Variants in AGAP1 observed in about 807,000 individuals in gnomAD.
The protein encoded by AGAP1 is arf-GAP with GTPase, ANK repeat and PH domain-containing protein 1.
A neutral mutation model predicts 105.3 loss-of-function variants in AGAP1; 29 were observed. The observed-to-expected ratio is 0.28, with a 90% confidence interval of 0.21 to 0.38. AGAP1 has a LOEUF of 0.38. Ranked by LOEUF, AGAP1 falls within the 10% of genes least tolerant of loss-of-function variation. The pLI is 1.00. For missense variants in AGAP1, 998 were observed against 1,165.1 expected (o/e 0.86, Z 2.09); for synonymous variants, 509 against 485.9 (o/e 1.05, Z -0.63).
Position 235,725,300 on chromosome 2 carries a change from C to T in AGAP1, c.310+7656C>T, listed in dbSNP as rs985197140. Among the ~76,000 whole-genome samples the T allele has an allele frequency of 6.6e-5, 10 of 152,082 alleles. No homozygotes were observed. The highest frequency in any genetic ancestry group is 3.9e-4 in the East Asian group (2 of 5,182). On this transcript the variant is annotated intron_variant, in intron 3 of 17. Coordinates refer to ENST00000304032, the MANE Select transcript of AGAP1 (RefSeq NM_001037131.3). This position sits in a 1 kb window ranked among gnomAD's most constrained non-coding sequence, Gnocchi z 5.7. Reference sequence around the variant, plus strand: ...CACGTGTATCTTAAATATGTTTTAACGAATGTTTACTTAGTTTCTTAGAAA... The same window carrying T: ...CACGTGTATCTTAAATATGTTTTAATGAATGTTTACTTAGTTTCTTAGAAA...
At chr2:235,860,413 T>C (rs1190277242) in intron 9 of AGAP1, among the ~76,000 whole-genome samples, 1 of 152,222 alleles carries the variant, frequency 6.6e-6, no homozygotes, top group Non-Finnish European at 1.5e-5. Flanking sequence ...GGATTACCTT[T>C]TTCTAACTGC....
rs867347340 is a variant in AGAP1, at chr2:235,734,774, G to A, written c.311-6189G>A. On this transcript the variant is annotated intron_variant, in intron 3 of 17. Transcript: ENST00000304032. The surrounding 1 kb of genome is among the most constrained non-coding windows in gnomAD (Gnocchi z 5.3). ...AAACGCAGCAAACACGGAGGCTGCC[G>A]GCTTTGTTTCTGTAGGGCTTGTCTT... is the stretch of plus-strand genomic sequence containing the variant. Among the ~76,000 whole-genome samples the A allele has an allele frequency of 1.3e-5, 2 of 152,330 alleles. No homozygotes were observed. The highest frequency in any genetic ancestry group is 2.1e-4 in the South Asian group (1 of 4,824).
rs1480615539 is a variant in AGAP1, at chr2:235,777,486, G to T, written c.674-20273G>T. ...CCACCTGCCTCCTCGTTATCAGCAG[G>T]CAGCCTTGCGTCTGCCTCTGGGAGC... is the stretch of plus-strand genomic sequence containing the variant. On this transcript the variant is annotated intron_variant, in intron 6 of 17. Transcript: ENST00000304032. The surrounding 1 kb of genome is among the most constrained non-coding windows in gnomAD (Gnocchi z 5.1). Among the ~76,000 whole-genome samples, 1 of 152,218 alleles carries T rather than the reference G, an allele frequency of 6.6e-6. No homozygotes were observed. The highest frequency in any genetic ancestry group is 1.5e-5 in the Non-Finnish European group (1 of 68,034).
In AGAP1 at chr2:236,104,110, C is replaced by T. The variant is rs1413655250; in HGVS notation, c.2115-16082C>T. On this transcript the variant is annotated intron_variant, in intron 16 of 17. Coordinates refer to ENST00000304032, the MANE Select transcript of AGAP1 (RefSeq NM_001037131.3). The surrounding 1 kb of genome is among the most constrained non-coding windows in gnomAD (Gnocchi z 4.7). ...TTCCCACTTGCATTTAGGTGGGGGG[C>T]CTTGGGCAGTGGGTCTGCCCCAGGA... Among the ~76,000 whole-genome samples, 3 of 152,182 alleles carry T rather than the reference C, an allele frequency of 2.0e-5. No homozygotes were observed. Among genetic ancestry groups the T allele is most frequent in the Middle Eastern group, 6.8e-3 (2 of 292 alleles).
intron 1 of AGAP1, among the ~76,000 whole-genome samples, chr2:235,500,652 G>T (rs187346896): frequency 6.6e-6 from 1 of 152,182 alleles, no homozygotes; most frequent in Non-Finnish European, 1.5e-5. Flanking sequence ...TGTGGTGGAC[G>T]AGGGACTTAA....
At chr2:235,558,406 G>A (rs1046561716) in intron 1 of AGAP1, among the ~76,000 whole-genome samples, 9 of 152,108 alleles carry the variant, frequency 5.9e-5, no homozygotes, top group Non-Finnish European at 1.2e-4. Flanking sequence ...ATATGTGTAT[G>A]ATTGATTCCA....
At chr2:235,709,095 A>G (rs1950694532) in intron 1 of AGAP1, 84 bp from the exon 2 acceptor site, 2 of 1,327,814 alleles carry the variant, frequency 1.5e-6, no homozygotes, top group African/African-American at 2.9e-5. Context: ...TGACCTTCGG[A>G]TGTGAAAATG....
chr2:236,107,498 C>T (rs2059530059), intron 16 of AGAP1, among the ~76,000 whole-genome samples: 1 of 152,208 alleles, frequency 6.6e-6, no homozygotes, highest in Non-Finnish European at 1.5e-5. Context: ...GTTGCATATG[C>T]ACTGTGACTT....
At chr2:235,794,341 G>A (rs538211986) in intron 6 of AGAP1, among the ~76,000 whole-genome samples, 1 of 152,296 alleles carries the variant, frequency 6.6e-6, no homozygotes, top group East Asian at 1.9e-4. Context: ...AGTAGTAAGC[G>A]CAAATGTTTT....
At chr2:236,077,176 C>G (rs77306798) in intron 16 of AGAP1, among the ~76,000 whole-genome samples, 76 of 147,644 alleles carry the variant, frequency 5.1e-4, no homozygotes, top group Admixed American at 1.3e-3. Flanking sequence ...TTCCAACCCC[C>G]GAGAGATAAT....
rs908742276 is a variant in AGAP1, at chr2:236,119,425, C to T, written c.2115-767C>T. Among the ~76,000 whole-genome samples, 1 of 152,180 alleles carries T rather than the reference C, an allele frequency of 6.6e-6. No homozygotes were observed. The highest frequency in any genetic ancestry group is 1.5e-5 in the Non-Finnish European group (1 of 68,032). On this transcript the variant is annotated intron_variant, in intron 16 of 17. Transcript: ENST00000304032. The surrounding 1 kb of genome is among the most constrained non-coding windows in gnomAD (Gnocchi z 6.6). ...TGCTAAACCTCCTCATTGGAGTCTC[C>T]ACCCTCTCCTGCGTGAGTCTGTTGC...
At chr2:235,786,170 A>G (rs901003596) in intron 6 of AGAP1, among the ~76,000 whole-genome samples, 1 of 152,198 alleles carries the variant, frequency 6.6e-6, no homozygotes, top group Admixed American at 6.5e-5. Context: ...TGTATTGCCA[A>G]TTTACTGGGA....
chr2:235,496,036 G>A (rs903245429), intron 1 of AGAP1, among the ~76,000 whole-genome samples: 1 of 152,236 alleles, frequency 6.6e-6, no homozygotes, highest in Non-Finnish European at 1.5e-5. Context: ...TCAGCCCACA[G>A]AGAGGCTTTG....
chr2:235,653,584 T>A (rs1947680493), intron 1 of AGAP1, among the ~76,000 whole-genome samples: 1 of 152,202 alleles, frequency 6.6e-6, no homozygotes, highest in Non-Finnish European at 1.5e-5. Context: ...TCATCTCTTC[T>A]ACCTGAGTGG....
chr2:236,036,792 G>A lies in AGAP1; in HGVS notation c.1800+77G>A. The A allele has an allele frequency of 1.3e-6, 2 of 1,570,294 alleles. No homozygotes were observed. Among genetic ancestry groups the A allele is most frequent in the Non-Finnish European group, 1.7e-6 (2 of 1,163,262 alleles). ...CGGGCCCCAAGTAATGCCCCAGGGA[G>A]GAGAAAATAGAGGACCAGTGTGAAT... On this transcript the variant is annotated intron_variant, in intron 14 of 17. Transcript: ENST00000304032. This position sits in a 1 kb window ranked among gnomAD's most constrained non-coding sequence, Gnocchi z 5.7.
intron 11 of AGAP1, among the ~76,000 whole-genome samples, chr2:235,925,972 T>G (rs2052427369): frequency 1.3e-5 from 2 of 152,210 alleles, no homozygotes; most frequent in South Asian, 4.1e-4. Flanking sequence ...ACAGTTGCCC[T>G]CGAGTACTTT....
At chr2:235,831,184 T>C (rs1265898456) in intron 9 of AGAP1, among the ~76,000 whole-genome samples, 1 of 138,116 alleles carries the variant, frequency 7.2e-6, no homozygotes, top group South Asian at 2.3e-4. Flanking sequence ...TCTTCTTCTT[T>C]AAAAAAAAAA....
chr2:236,057,474 A>C (rs367546386), intron 16 of AGAP1, among the ~76,000 whole-genome samples: 24 of 152,288 alleles, frequency 1.6e-4, no homozygotes, highest in African/African-American at 5.8e-4. Context: ...ATCAGTGCTA[A>C]TCCTAAGAGC....
At chr2:236,102,202 G>A (rs1164615520) in intron 16 of AGAP1, among the ~76,000 whole-genome samples, 1 of 152,170 alleles carries the variant, frequency 6.6e-6, no homozygotes, top group African/African-American at 2.4e-5. Flanking sequence ...CGGATCACAA[G>A]GTCAGGAGAT....
Sources: gnomAD v4.1 joint callset for allele counts (sites outside exome capture counted in the v4.1 genomes callset) on GRCh38, gnomAD v4.1.1 for gene constraint, Gnocchi (gnomAD v3.1) non-coding constraint, MANE v1.5 for transcripts, NCBI Gene and HGNC (gene_info 2026-07-23, HGNC 2026-07-21) for gene names.